The following CSMD1 variants were observed in gnomAD, a reference collection of about 807,000 sequenced individuals.
CSMD1 encodes the protein CUB and Sushi multiple domains 1, also known as CUB and sushi domain-containing protein 1.
CSMD1 carries 213 observed loss-of-function variants against 417.5 expected under a neutral mutation model. The ratio of observed to expected loss-of-function variants is 0.51; its 90% CI spans 0.46 to 0.57. The LOEUF is 0.57. Among genes scored for constraint, CSMD1 ranks in the 20% least tolerant of loss-of-function variants. The pLI is 0.00. For synonymous variants in CSMD1, 2,862 were observed against 1,736.8 expected (o/e 1.65, Z -16.11); for missense variants, 6,923 against 4,529.7 (o/e 1.53, Z -15.17).
chr8:3,733,568 C>A (rs1439370422), intron 6 of CSMD1, among the ~76,000 whole-genome samples: 1 of 151,970 alleles, frequency 6.6e-6, no homozygotes, highest in African/African-American at 2.4e-5. Context: ...AAGTTGCGGG[C>A]CATTCTTCGA....
At chr8:4,027,647 C>T (rs773160214) in intron 4 of CSMD1, among the ~76,000 whole-genome samples, 1 of 152,126 alleles carries the variant, frequency 6.6e-6, no homozygotes, top group Non-Finnish European at 1.5e-5. Flanking sequence ...TACCCAGTCT[C>T]AGGTATTTCT....
intron 1 of CSMD1, among the ~76,000 whole-genome samples, chr8:4,784,260 C>T (rs1461521494): frequency 6.6e-6 from 1 of 152,204 alleles, no homozygotes; most frequent in Non-Finnish European, 1.5e-5. Flanking sequence ...CCCAAGTAAA[C>T]AGGCTTTACC....
chr8:4,239,533 C>T (rs1049241485), intron 3 of CSMD1, among the ~76,000 whole-genome samples: 10 of 152,256 alleles, frequency 6.6e-5, no homozygotes, highest in South Asian at 2.1e-4. Context: ...TTGGTGGTTC[C>T]AAAGCAGTTC....
At position 3,930,255 on chromosome 8, in the gene CSMD1, C is replaced by A. The variant is rs1363400437; in HGVS notation, c.818+67648G>T. 2.0e-5 allele frequency among the ~76,000 whole-genome samples: 3 copies of A among 150,250 alleles called. 1 individual carries two copies. Among genetic ancestry groups the A allele is most frequent in the Non-Finnish European group, 4.4e-5 (3 of 67,468 alleles). On this transcript the variant is annotated intron_variant, in intron 5 of 69. Coordinates refer to ENST00000635120, the MANE Select transcript of CSMD1 (RefSeq NM_033225.6). ...GTCCTTCTTCAAAGACTTTCCTCCC[C>A]ATCTAATTAGGAATAAATAGTAACT... is the stretch of plus-strand genomic sequence containing the variant.
chr8:2,967,245 G>C lies in CSMD1; in HGVS notation c.8924-499C>G, dbSNP rs1225769412. ...AGGAGAATTCACTTTGGAAAATAAA[G>C]AATGCCTCAGAAGTATGAATGACTG... On this transcript the variant is annotated intron_variant, in intron 57 of 69. Coordinates refer to ENST00000635120, the MANE Select transcript of CSMD1 (RefSeq NM_033225.6). Among the ~76,000 whole-genome samples, 9 of 152,168 alleles carry C rather than the reference G, an allele frequency of 5.9e-5. No homozygotes were observed. In the East Asian group the frequency reaches 1.7e-3, roughly 29 times the overall value.
chr8:3,410,725 G>A lies in CSMD1; in HGVS notation c.1562-1120C>T, dbSNP rs896035669. On this transcript the variant is annotated intron_variant, in intron 12 of 69. Transcript: ENST00000635120. ...GACTAATACAGGGGTTATGTTTTAT[G>A]GAGGAAAATTTTTTAAAATTATTAT... 1.1e-4 allele frequency among the ~76,000 whole-genome samples: 17 copies of A among 152,218 alleles called. No individual in the cohort carries two copies. The East Asian group carries it at 2.7e-3, about 24-fold the overall frequency.
At chr8:4,822,454 A>G (rs1799575494) in intron 1 of CSMD1, among the ~76,000 whole-genome samples, 1 of 152,108 alleles carries the variant, frequency 6.6e-6, no homozygotes, top group African/African-American at 2.4e-5. Context: ...CAAAAAATGT[A>G]AACTGTCAGT....
chr8:3,545,027 G>GTATAGTA (rs1454206686), intron 10 of CSMD1, among the ~76,000 whole-genome samples: 1 of 152,158 alleles, frequency 6.6e-6, no homozygotes, highest in Non-Finnish European at 1.5e-5. Context: ...TATCAGGACA[G>GTATAGTA]TATAAAGTTA....
At chr8:4,329,425 A>C (rs1458581031) in intron 3 of CSMD1, among the ~76,000 whole-genome samples, 4 of 152,002 alleles carry the variant, frequency 2.6e-5, no homozygotes, top group Non-Finnish European at 4.4e-5. Flanking sequence ...GGTAGCTGGG[A>C]CTACAGGCAG....
intron 3 of CSMD1, among the ~76,000 whole-genome samples, chr8:4,375,506 G>C (rs917164272): frequency 6.6e-6 from 1 of 152,086 alleles, no homozygotes; most frequent in African/African-American, 2.4e-5. Flanking sequence ...ATGGGCAAGT[G>C]ACATCAGAAG....
intron 1 of CSMD1, among the ~76,000 whole-genome samples, chr8:4,767,784 G>T (rs898059938): frequency 6.6e-6 from 1 of 152,046 alleles, no homozygotes; most frequent in African/African-American, 2.4e-5. Flanking sequence ...CTTACTTAAG[G>T]GGTTGGTGTT....
chr8:3,092,701 G>T (rs1184738683), intron 47 of CSMD1, among the ~76,000 whole-genome samples: 2 of 152,198 alleles, frequency 1.3e-5, no homozygotes, highest in Non-Finnish European at 2.9e-5. Context: ...AAGCACAGTG[G>T]AGAGTCACCC....
chr8:3,910,326 C>T (rs1286223286), intron 5 of CSMD1, among the ~76,000 whole-genome samples: 3 of 152,136 alleles, frequency 2.0e-5, no homozygotes, highest in Non-Finnish European at 4.4e-5. Flanking sequence ...TGCCTGTGTC[C>T]TGCAAACTGA....
At chr8:4,205,176 G>T (rs962412881) in intron 3 of CSMD1, among the ~76,000 whole-genome samples, 1 of 152,168 alleles carries the variant, frequency 6.6e-6, no homozygotes, top group Non-Finnish European at 1.5e-5. Flanking sequence ...ACTGGGTGAA[G>T]AAACATCTGA....
chr8:4,922,238 T>A (rs1258953380), intron 1 of CSMD1, among the ~76,000 whole-genome samples: 1 of 152,052 alleles, frequency 6.6e-6, no homozygotes, highest in Non-Finnish European at 1.5e-5. Context: ...TACCTTCAGT[T>A]CTAATGGCAG....
At chr8:4,969,235 T>C (rs1165411290) in intron 1 of CSMD1, among the ~76,000 whole-genome samples, 2 of 152,166 alleles carry the variant, frequency 1.3e-5, no homozygotes, top group Non-Finnish European at 1.5e-5. Flanking sequence ...ACAAACCTAA[T>C]GCTTAGTAAG....
intron 1 of CSMD1, among the ~76,000 whole-genome samples, chr8:4,911,609 G>T (rs534992501): frequency 2.6e-4 from 39 of 152,216 alleles, no homozygotes; most frequent in African/African-American, 9.4e-4. Context: ...TGACAGAAGC[G>T]TTTAACTTCC....
chr8:4,152,548 G>C (rs1014412564), intron 3 of CSMD1, among the ~76,000 whole-genome samples: 16 of 150,332 alleles, frequency 1.1e-4, no homozygotes, highest in African/African-American at 3.0e-4. Context: ...AAATTAGCTA[G>C]TCATGGTGGT....
intron 3 of CSMD1, among the ~76,000 whole-genome samples, chr8:4,150,330 C>A (rs1028825540): frequency 4.6e-5 from 7 of 152,194 alleles, no homozygotes; most frequent in South Asian, 2.1e-4. Context: ...TCTCTAAATT[C>A]TCTAACCCGT....
Sources: allele counts gnomAD v4.1 joint callset (sites outside exome capture counted in the v4.1 genomes callset), GRCh38; gene constraint gnomAD v4.1.1; transcripts MANE v1.5; gene names NCBI Gene and HGNC (gene_info 2026-07-23, HGNC 2026-07-21).